ESR2: variants seen among roughly 807,000 people sequenced by gnomAD.
ESR2 encodes estrogen receptor 2, also known as estrogen receptor beta.
In ESR2, 36 loss-of-function variants were observed where a neutral mutation model predicts 49.6. The observed-to-expected ratio is 0.73, with a 90% CI of 0.56 to 0.96. The LOEUF (loss-of-function observed/expected upper bound fraction) is 0.96. Among genes scored for constraint, ESR2 ranks in the 40% least tolerant of loss-of-function variants. The probability of loss-of-function intolerance (pLI) is 0.00; values close to 1 mark genes in which losing one functional copy is unlikely to be tolerated. For synonymous variants in ESR2, 320 were observed against 266.1 expected (o/e 1.20, Z -1.97); for missense variants, 714 against 693.0 (o/e 1.03, Z -0.34).
At chr14:64,283,713 G>T (rs531640594) in intron 1 of ESR2, among the ~76,000 whole-genome samples, 1 of 128,224 alleles carries the variant, frequency 7.8e-6, no homozygotes, top group Admixed American at 9.3e-5. Context: ...GTGCCACCGC[G>T]CTCCAGCCTG....
intron 1 of ESR2, among the ~76,000 whole-genome samples, chr14:64,323,962 G>A (rs2077358264): frequency 6.6e-6 from 1 of 152,216 alleles, no homozygotes; most frequent in Admixed American, 6.5e-5. Flanking sequence ...AAAGTGCTGG[G>A]ATTACAGGCG....
intron 1 of ESR2, among the ~76,000 whole-genome samples, chr14:64,285,575 C>T (rs2076770140): frequency 6.6e-6 from 1 of 152,048 alleles, no homozygotes; most frequent in South Asian, 2.1e-4. Flanking sequence ...TGCCTGTAAT[C>T]TCAGCACTTT....
upstream of ESR2, among the ~76,000 whole-genome samples, chr14:64,298,223 G>A (rs1454794397): frequency 1.3e-5 from 2 of 152,158 alleles, no homozygotes; most frequent in African/African-American, 4.8e-5. Flanking sequence ...ACCACAGTAG[G>A]CAGGCTTGCA....
In ESR2 at chr14:64,314,771, G is replaced by A. The variant is rs538522735; in HGVS notation, c.-91+23127C>T. On this transcript the variant is annotated intron_variant, in intron 1 of 8. Coordinates refer to the ESR2 transcript ENST00000358599. ...TGCAAGCCTGTAGTTCCAGCTACTC[G>A]GGAGGCTGATGCAGGAGAATCACTT... Among the ~76,000 whole-genome samples the A allele has an allele frequency of 4.7e-5, 7 of 150,078 alleles. No individual in the cohort carries two copies. The East Asian group carries it at 6.0e-4, about 13-fold the overall frequency.
At position 64,233,317 on chromosome 14, in the gene ESR2, C is replaced by T. The variant is rs752826189; in HGVS notation, c.1413G>A (p.Lys471=). 1.2e-6 allele frequency: 2 copies of T among 1,610,668 alleles called. No homozygotes were observed. Among genetic ancestry groups the T allele is most frequent in the Non-Finnish European group, 1.7e-6 (2 of 1,177,046 alleles). Residue 471 remains lysine (K), a synonymous_variant, in exon 9 of 9, where the codon AAG becomes AAA. Coordinates refer to ENST00000341099, the MANE Select transcript of ESR2 (RefSeq NM_001437.3). ...LLSHVRHASN[K]GMEHLLNMKC... ...TCATGTTGAGCAGATGTTCCATGCC[C>T]TTGTTACTATGGGGACAAAAAGGTG... is the stretch of plus-strand genomic sequence containing the variant.
At chr14:64,240,897 C>A (rs2075709582) in intron 7 of ESR2, among the ~76,000 whole-genome samples, 1 of 152,002 alleles carries the variant, frequency 6.6e-6, no homozygotes, top group East Asian at 1.9e-4. Flanking sequence ...GTAATCCCAG[C>A]ACTTTGGGAG....
At chr14:64,299,541 T>G (rs1459450538) in intron 1 of ESR2, among the ~76,000 whole-genome samples, 1 of 152,136 alleles carries the variant, frequency 6.6e-6, no homozygotes, top group African/African-American at 2.4e-5. Flanking sequence ...TTTGTATTTT[T>G]TTAGTAGAGA....
intron 3 of ESR2, among the ~76,000 whole-genome samples, chr14:64,277,334 C>T (rs1194008382): frequency 6.6e-6 from 1 of 152,032 alleles, no homozygotes; most frequent in Admixed American, 6.5e-5. Context: ...TTATAAAAAA[C>T]ATAAGAATGG....
intron 8 of ESR2, chr14:64,234,709 A>G: frequency 1.5e-6 from 1 of 673,544 alleles, no homozygotes; most frequent in Non-Finnish European, 2.4e-6. Context: ...CTCCATAAAC[A>G]GGCTATAAAC....
chr14:64,310,286 A>AATAAT (rs2077170107), intron 1 of ESR2, among the ~76,000 whole-genome samples: 2 of 142,468 alleles, frequency 1.4e-5, no homozygotes, highest in East Asian at 2.1e-4. Context: ...TCGTCTCAAA[A>AATAAT]AATAATAATA....
In ESR2 at chr14:64,318,537, CAAAAAAAAAAAAAAA is replaced by C. The variant is rs58597271; in HGVS notation, c.-91+19346_-91+19360del. ...GGGCGACAAGAACGAAACTCCATCT[CAAAAAAAAAAAAAAA>C]AAAAAAAAAAAAAAAATTTAAATTA... is the stretch of plus-strand genomic sequence containing the variant. On this transcript the variant is annotated intron_variant, in intron 1 of 8. Coordinates refer to the ESR2 transcript ENST00000358599. 2.8e-4 allele frequency among the ~76,000 whole-genome samples: 9 copies of C among 32,426 alleles called. No individual in the cohort carries two copies. The South Asian group carries it at 5.0e-3, about 18-fold the overall frequency. The allele number at this position is 32,426 out of a possible 152,430, so 21.3% of individuals were successfully genotyped here.
downstream of ESR2, chr14:64,227,733 C>T (rs954194533): frequency 1.3e-5 from 20 of 1,560,624 alleles, no homozygotes; most frequent in South Asian, 2.4e-4. Context: ...GGCCTTTAAG[C>T]TGGTTTGCTC....
chr14:64,254,519 G>A (rs978048191), intron 6 of ESR2, among the ~76,000 whole-genome samples: 5 of 151,778 alleles, frequency 3.3e-5, no homozygotes, highest in African/African-American at 1.2e-4. Context: ...GGCTGAGGCT[G>A]GGGGATCACT....
intron 4 of ESR2, among the ~76,000 whole-genome samples, chr14:64,264,652 C>CTTGAGCCCAGGAGTTGAAGACTAGCCTGG (rs2140745232): frequency 6.6e-6 from 1 of 152,162 alleles, no homozygotes; most frequent in African/African-American, 2.4e-5. Context: ...AAGGGGATCA[C>CTTGAGCCCAGGAGTTGAAGACTAGCCTGG]TTGAGCCCAG....
chr14:64,329,653 T>G (rs2077431107), intron 1 of ESR2: 2 of 151,858 alleles, frequency 1.3e-5, no homozygotes, highest in African/African-American at 4.8e-5. Context: ...AATTTGTATG[T>G]GAAAACTTGT....
At chr14:64,276,491 G>T (rs1161877083) in intron 3 of ESR2, among the ~76,000 whole-genome samples, 1 of 152,100 alleles carries the variant, frequency 6.6e-6, no homozygotes, top group African/African-American at 2.4e-5. Flanking sequence ...TGGAAAAAGC[G>T]ACACTCACAC....
At chr14:64,292,996 G>A (rs1482535757) in intron 1 of ESR2, among the ~76,000 whole-genome samples, 2 of 152,302 alleles carry the variant, frequency 1.3e-5, no homozygotes, top group East Asian at 1.9e-4. Flanking sequence ...GAATGTTTCA[G>A]AAATTCATCT....
chr14:64,256,199 T>C (rs1392309373), intron 6 of ESR2, among the ~76,000 whole-genome samples: 1 of 152,172 alleles, frequency 6.6e-6, no homozygotes, highest in African/African-American at 2.4e-5. Context: ...ACCAAGAGGG[T>C]GTTCTACTTT....
upstream of ESR2, among the ~76,000 whole-genome samples, chr14:64,294,701 C>T (rs1259379999): frequency 6.6e-6 from 1 of 152,226 alleles, no homozygotes; most frequent in East Asian, 1.9e-4. Flanking sequence ...CGTCCTCAGC[C>T]CCTGACTCAC....
Sources: gnomAD v4.1 joint callset for allele counts (sites outside exome capture counted in the v4.1 genomes callset) on GRCh38, gnomAD v4.1.1 for gene constraint, MANE v1.5 for transcripts, NCBI Gene and HGNC (gene_info 2026-07-23, HGNC 2026-07-21) for gene names.